Variants in PTPRD observed in about 807,000 individuals in gnomAD.
The protein encoded by PTPRD is protein tyrosine phosphatase receptor type D, also known as receptor-type tyrosine-protein phosphatase delta.
A neutral mutation model predicts 214.5 loss-of-function variants in PTPRD; 34 were observed. The observed-to-expected ratio is 0.16, with a 90% CI of 0.12 to 0.21. The LOEUF is 0.21. Ranked by LOEUF, PTPRD falls within the 10% of genes least tolerant of loss-of-function variation. The probability of loss-of-function intolerance (pLI) is 1.00; values close to 1 mark genes in which losing one functional copy is unlikely to be tolerated. For synonymous variants in PTPRD, 1,128 were observed against 845.7 expected (o/e 1.33, Z -5.79); for missense variants, 2,545 against 2,398.7 (o/e 1.06, Z -1.27).
intron 8 of PTPRD, among the ~76,000 whole-genome samples, chr9:9,527,526 G>C (rs2074407631): frequency 6.6e-6 from 1 of 152,080 alleles, no homozygotes; most frequent in South Asian, 2.1e-4. Context: ...GGGAAAATCA[G>C]GACAAACTTC....
At chr9:9,393,881 C>T (rs956495726) in intron 9 of PTPRD, among the ~76,000 whole-genome samples, 4 of 152,104 alleles carry the variant, frequency 2.6e-5, no homozygotes, top group African/African-American at 7.2e-5. Context: ...CAGTCAACAT[C>T]ACCATTATCA....
intron 7 of PTPRD, among the ~76,000 whole-genome samples, chr9:9,591,036 C>G (rs1250750918): frequency 6.6e-6 from 1 of 152,016 alleles, no homozygotes; most frequent in East Asian, 1.9e-4. Context: ...GCCTTAATCC[C>G]TGGAACCTGT....
chr9:9,249,833 G>A (rs1241593648), intron 9 of PTPRD, among the ~76,000 whole-genome samples: 17 of 152,198 alleles, frequency 1.1e-4, no homozygotes, highest in Admixed American at 1.1e-3. Context: ...ACTGGGAGAT[G>A]AAAAGAAAGG....
At chr9:9,809,696 T>G (rs892003543) in intron 5 of PTPRD, among the ~76,000 whole-genome samples, 1 of 152,202 alleles carries the variant, frequency 6.6e-6, no homozygotes, top group African/African-American at 2.4e-5. Context: ...TTCAAATAAT[T>G]GGCTAAACAC....
At chr9:9,587,089 T>C (rs1378177360) in intron 7 of PTPRD, among the ~76,000 whole-genome samples, 1 of 151,950 alleles carries the variant, frequency 6.6e-6, no homozygotes, top group Non-Finnish European at 1.5e-5. Context: ...TATGTGAATA[T>C]AATTGTTGTA....
At chr9:8,674,919 G>A (rs2097369817) in intron 12 of PTPRD, among the ~76,000 whole-genome samples, 1 of 152,092 alleles carries the variant, frequency 6.6e-6, no homozygotes, top group South Asian at 2.1e-4. Flanking sequence ...GAGCATTACT[G>A]TAAATCTAGA....
intron 12 of PTPRD, among the ~76,000 whole-genome samples, chr9:8,727,295 T>C (rs2098595558): frequency 6.6e-6 from 1 of 152,294 alleles, no homozygotes; most frequent in East Asian, 1.9e-4. Flanking sequence ...GACAGAGTCT[T>C]AATCTTACTA....
At chr9:9,657,901 C>T (rs1050260493) in intron 7 of PTPRD, among the ~76,000 whole-genome samples, 3 of 152,106 alleles carry the variant, frequency 2.0e-5, no homozygotes, top group Non-Finnish European at 4.4e-5. Context: ...ATTTTCCCCC[C>T]GACCTAAAGA....
At chr9:9,535,653 C>T (rs996194074) in intron 8 of PTPRD, among the ~76,000 whole-genome samples, 48 of 152,182 alleles carry the variant, frequency 3.2e-4, no homozygotes, top group African/African-American at 9.6e-4. Context: ...TACCCATATA[C>T]TTATTACATC....
intron 2 of PTPRD, among the ~76,000 whole-genome samples, chr9:10,554,619 A>G (rs1221707324): frequency 1.3e-5 from 2 of 151,906 alleles, no homozygotes; most frequent in East Asian, 3.9e-4. Flanking sequence ...ATACATCCCT[A>G]AAGATGATTA....
rs2134816049 is a variant in PTPRD, at chr9:8,376,009, G to C, written c.4588C>G (p.Pro1530Ala). 1 of 1,613,000 alleles carries C rather than the reference G, an allele frequency of 6.2e-7. No homozygotes were observed. Among genetic ancestry groups the C allele is most frequent in the African/African-American group, 1.3e-5 (1 of 74,930 alleles). Residue 1530 changes from proline (P) to alanine (A), a missense_variant, in exon 39 of 46, where the codon CCT becomes GCT. Pro to Ala is a conservative substitution (Grantham distance 27, BLOSUM62 -1). Transcript: ENST00000381196. ...ACTCTACGTAAGAAAGCTAGAAAAG[G>C]TGTAGGGTGTTCTGGAACACCATGA... is the stretch of plus-strand genomic sequence containing the variant. The part of the protein sequence containing the change: ...PDHGVPEHPT[P>A]FLAFLRRVKT...
At chr9:10,317,229 T>A (rs140009143) in intron 3 of PTPRD, among the ~76,000 whole-genome samples, 1 of 152,006 alleles carries the variant, frequency 6.6e-6, no homozygotes, top group East Asian at 1.9e-4. Flanking sequence ...CTAGTGTTTT[T>A]TGCCTGTATT....
intron 14 of PTPRD, among the ~76,000 whole-genome samples, chr9:8,551,683 T>C (rs1216304171): frequency 3.3e-5 from 5 of 152,240 alleles, no homozygotes; most frequent in Non-Finnish European, 5.9e-5. Context: ...TAGTTTTAAC[T>C]GGAAATTGCT....
intron 3 of PTPRD, among the ~76,000 whole-genome samples, chr9:10,214,284 G>A (rs114347677): frequency 6.6e-6 from 1 of 151,834 alleles, no homozygotes; most frequent in Admixed American, 6.6e-5. Context: ...TTGTTTGTTT[G>A]TTTGTTTTTG....
chr9:10,451,765 C>G (rs2098843184), intron 2 of PTPRD, among the ~76,000 whole-genome samples: 1 of 150,192 alleles, frequency 6.7e-6, no homozygotes, highest in South Asian at 2.1e-4. Context: ...AGAAATTAGG[C>G]TCATTTTAAT....
At chr9:9,497,642 G>A (rs551937684) in intron 8 of PTPRD, among the ~76,000 whole-genome samples, 102 of 152,226 alleles carry the variant, frequency 6.7e-4, no homozygotes, top group African/African-American at 2.4e-3. Context: ...ATGACTGTTA[G>A]AAGTTATCTC....
chr9:9,819,143 G>A (rs894274400), intron 5 of PTPRD, among the ~76,000 whole-genome samples: 8 of 152,080 alleles, frequency 5.3e-5, no homozygotes, highest in Non-Finnish European at 4.4e-5. Flanking sequence ...GAAGGCTGGA[G>A]GCAGAGATTG....
intron 8 of PTPRD, among the ~76,000 whole-genome samples, chr9:9,523,853 C>T (rs191736470): frequency 3.1e-4 from 47 of 152,192 alleles, no homozygotes; most frequent in African/African-American, 6.0e-4. Flanking sequence ...CTACTTTTGC[C>T]GGCCCATTAC....
intron 43 of PTPRD, among the ~76,000 whole-genome samples, chr9:8,338,627 C>G (rs1248663977): frequency 6.6e-6 from 1 of 152,044 alleles, no homozygotes; most frequent in Non-Finnish European, 1.5e-5. Context: ...GTAAGCACAG[C>G]CAACCAATCA....
Sources: allele counts gnomAD v4.1 joint callset (sites outside exome capture counted in the v4.1 genomes callset), GRCh38; gene constraint gnomAD v4.1.1; transcripts MANE v1.5; gene names NCBI Gene and HGNC (gene_info 2026-07-23, HGNC 2026-07-21).